Variants in GABRA3 observed in about 807,000 individuals in gnomAD.
GABRA3 encodes the protein gamma-aminobutyric acid type A receptor subunit alpha3, also known as gamma-aminobutyric acid receptor subunit alpha-3.
A neutral mutation model predicts 30.1 loss-of-function variants in GABRA3; 10 were observed. The observed-to-expected ratio is 0.33, with a 90% CI of 0.20 to 0.56. GABRA3 has a LOEUF of 0.56. GABRA3 is among the 20% of genes least tolerant of loss of function. The pLI is 0.89. For missense variants in GABRA3, 233 were observed against 392.0 expected, an observed-to-expected ratio of 0.59 and a Z score of 3.42; for synonymous variants, 151 against 146.8, an observed-to-expected ratio of 1.03 and a Z score of -0.21.
At chrX:152,195,033 TAC>T (rs1569352092) in intron 8 of GABRA3, among the ~76,000 whole-genome samples, 2 of 112,388 alleles carry the variant, frequency 1.8e-5, no homozygotes, top group Non-Finnish European at 3.8e-5. Flanking sequence ...GTGCTGGGAT[TAC>T]AGGCATGAGC....
chrX:152,380,978 T>C (rs988130199), intron 1 of GABRA3, among the ~76,000 whole-genome samples: 37 of 111,688 alleles, frequency 3.3e-4, no homozygotes, highest in African/African-American at 1.2e-3. Flanking sequence ...GAATTCTTTA[T>C]CTCTCAAGTC....
intron 7 of GABRA3, among the ~76,000 whole-genome samples, chrX:152,207,161 A>G (rs1041207999): frequency 1.8e-5 from 2 of 111,979 alleles, no homozygotes; most frequent in Non-Finnish European, 3.8e-5. Flanking sequence ...AGACTGTGAT[A>G]TCACAAGAGG....
intron 3 of GABRA3, among the ~76,000 whole-genome samples, chrX:152,311,748 G>C (rs1028759826): frequency 9.0e-6 from 1 of 110,717 alleles, no homozygotes; most frequent in Non-Finnish European, 1.9e-5. Flanking sequence ...CCAAATAAAA[G>C]AGAGAAAGTC....
chrX:152,386,570 A>G (rs1344734873), intron 1 of GABRA3, among the ~76,000 whole-genome samples: 1 of 109,203 alleles, frequency 9.2e-6, no homozygotes, highest in East Asian at 2.9e-4. Flanking sequence ...TGGCCATCAG[A>G]GAAATGCAAA....
chrX:152,244,128 T>C (rs1189963569), intron 5 of GABRA3, among the ~76,000 whole-genome samples: 1 of 112,157 alleles, frequency 8.9e-6, no homozygotes, highest in African/African-American at 3.2e-5. Flanking sequence ...ATTAAGGATA[T>C]TTTTGCTGGT....
chrX:152,219,160 ATTCTC>A (rs1937784464), intron 6 of GABRA3, among the ~76,000 whole-genome samples: 1 of 111,037 alleles, frequency 9.0e-6, no homozygotes, highest in African/African-American at 3.3e-5. Context: ...TCCTTCCTTG[ATTCTC>A]TTCTCTTCTC....
intron 1 of GABRA3, among the ~76,000 whole-genome samples, chrX:152,395,847 A>G (rs1929646682): frequency 8.9e-6 from 1 of 112,278 alleles, no homozygotes; most frequent in South Asian, 3.6e-4. Context: ...ATCACAGATC[A>G]ATCTCAAACA....
rs771961923 is a variant in GABRA3 at position 152,315,276 on chromosome X, C to A, written c.262+30305G>T. 3.6e-5 allele frequency among the ~76,000 whole-genome samples: 4 copies of A among 111,330 alleles called. No individual in the cohort carries two copies. In the Admixed American group the frequency reaches 3.8e-4, roughly 11 times the overall value. On this transcript the variant is annotated intron_variant, in intron 3 of 9. Coordinates refer to ENST00000370314, the MANE Select transcript of GABRA3 (RefSeq NM_000808.4). ...TCCAGATCATGGGAGAAGGATTTGA[C>A]CTTACCTGGAGCTGAGACAATTTAG...
At chrX:152,428,248 C>G (rs974942544) in intron 1 of GABRA3, among the ~76,000 whole-genome samples, 1 of 112,051 alleles carries the variant, frequency 8.9e-6, no homozygotes, top group African/African-American at 3.2e-5. Flanking sequence ...TCCCTTCTAA[C>G]TCAGCACCCA....
At chrX:152,320,033 G>T (rs1398482115) in intron 3 of GABRA3, among the ~76,000 whole-genome samples, 1 of 110,208 alleles carries the variant, frequency 9.1e-6, no homozygotes, top group Non-Finnish European at 1.9e-5. Context: ...ATACCACCTA[G>T]CTCCTGAAAG....
chrX:152,383,481 A>G (rs985543587), intron 1 of GABRA3, among the ~76,000 whole-genome samples: 3 of 109,710 alleles, frequency 2.7e-5, no homozygotes, highest in African/African-American at 9.9e-5. Context: ...CCATTCAACA[A>G]AACATTAGCA....
intron 1 of GABRA3, chrX:152,392,302 C>G (rs1376357557): frequency 2.6e-6 from 1 of 384,978 alleles, no homozygotes; most frequent in Non-Finnish European, 5.2e-6. Context: ...GATGCACACT[C>G]AGGTTCTGCA....
chrX:152,365,611 G>C (rs776763966), intron 1 of GABRA3, among the ~76,000 whole-genome samples: 1 of 111,672 alleles, frequency 9.0e-6, no homozygotes, highest in South Asian at 3.7e-4. Context: ...CCCTTTTTCA[G>C]TCATATCAGT....
chrX:152,277,728 A>G (rs1415633084), intron 4 of GABRA3, among the ~76,000 whole-genome samples: 4 of 112,191 alleles, frequency 3.6e-5, no homozygotes, highest in African/African-American at 1.3e-4. Context: ...TTTAAATCAC[A>G]TCTTCCAGAT....
At chrX:152,306,855 T>C (rs1347392823) in intron 3 of GABRA3, among the ~76,000 whole-genome samples, 2 of 111,596 alleles carry the variant, frequency 1.8e-5, no homozygotes, top group Non-Finnish European at 3.8e-5. Context: ...AACCCTCCTC[T>C]AAGTTGATAT....
At chrX:152,245,497 G>A (rs5970242) in intron 5 of GABRA3, among the ~76,000 whole-genome samples, 30,248 of 109,865 alleles carry the variant, frequency 0.28, 3,622 homozygotes, top group African/African-American at 0.44. Flanking sequence ...AGCTCAGTAC[G>A]CAGGAAGGAG....
chrX:152,346,999 C>T (rs901094769), intron 2 of GABRA3, among the ~76,000 whole-genome samples: 6 of 111,698 alleles, frequency 5.4e-5, no homozygotes, highest in Admixed American at 9.5e-5. Context: ...GGTATATACC[C>T]CAAAGAAAGG....
At chrX:152,275,873 A>T (rs1177739715) in intron 4 of GABRA3, among the ~76,000 whole-genome samples, 1 of 110,185 alleles carries the variant, frequency 9.1e-6, no homozygotes, top group Non-Finnish European at 1.9e-5. Context: ...ATTTGGGAAT[A>T]CTTATGAACA....
chrX:152,362,936 T>C (rs991789920), intron 2 of GABRA3, among the ~76,000 whole-genome samples: 2 of 111,795 alleles, frequency 1.8e-5, no homozygotes, highest in African/African-American at 3.3e-5. Flanking sequence ...GGGAGGGAGA[T>C]GAAGCTAATT....
Sources: gnomAD v4.1 joint callset for allele counts (sites outside exome capture counted in the v4.1 genomes callset) on GRCh38, gnomAD v4.1.1 for gene constraint, MANE v1.5 for transcripts, NCBI Gene and HGNC (gene_info 2026-07-23, HGNC 2026-07-21) for gene names.